The following CEP170B variants were observed in gnomAD, a reference collection of about 807,000 sequenced individuals.
CEP170B encodes centrosomal protein 170B, also known as centrosomal protein of 170 kDa protein B.
Under a neutral mutation model 120.6 loss-of-function variants are expected in CEP170B, and 55 were observed. The observed-to-expected ratio is 0.46, with a 90% CI of 0.37 to 0.57. The LOEUF (loss-of-function observed/expected upper bound fraction) is 0.57. CEP170B is among the 20% of genes least tolerant of loss of function. The pLI, the probability that CEP170B is intolerant of heterozygous loss-of-function variation, is 0.00. For missense variants in CEP170B, 2,212 were observed against 2,253.3 expected, an observed-to-expected ratio of 0.98 and a Z score of 0.37; for synonymous variants, 1,033 against 954.5, an observed-to-expected ratio of 1.08 and a Z score of -1.52.
intron 2 of CEP170B, among the ~76,000 whole-genome samples, chr14:104,872,479 G>C (rs1395747026): frequency 1.0e-5 from 1 of 95,966 alleles, no homozygotes; most frequent in Admixed American, 1.0e-4. Context: ...CCGTGTGTGT[G>C]CGTGTGTGCC....
In CEP170B at chr14:104,896,461, C is replaced by T. The variant is rs1232386751; in HGVS notation, c.*1503C>T. On this transcript the variant is annotated 3_prime_UTR_variant, in exon 19 of 19. Transcript: ENST00000414716. ...ATGCCCCAGTTGCCCACCCCGCCTGCCCCTGGACATGAAGTGGTCACGCTT... is the reference window on the plus strand; with the variant it reads ...ATGCCCCAGTTGCCCACCCCGCCTGTCCCTGGACATGAAGTGGTCACGCTT... 1 of 413,900 alleles carries T rather than the reference C, an allele frequency of 2.4e-6. No individual in the cohort carries two copies. The highest frequency in any genetic ancestry group is 2.1e-5 in the African/African-American group (1 of 48,374). The allele number at this position is 413,900 out of a possible 1,614,324, so 25.6% of individuals were successfully genotyped here. A position where few individuals can be genotyped will look rare whatever the true frequency, so the allele number is the denominator to read the frequency against.
At position 104,891,978 on chromosome 14, in the gene CEP170B, T is replaced by C. The variant is rs1866824; in HGVS notation, c.3879-998T>C. ...GCAGAGGGTGCTGGGGGTGTTTCTC[T>C]GGTCGTGCCAGTGTCTGGCGAGGGT... On this transcript the variant is annotated intron_variant, in intron 13 of 18. Transcript: ENST00000414716. This position sits in a 1 kb window ranked among gnomAD's most constrained non-coding sequence, Gnocchi z 4.3. 0.62 allele frequency among the ~76,000 whole-genome samples: 94,792 copies of C among 151,984 alleles called. 32,368 individuals carry two copies. Among genetic ancestry groups the C allele is most frequent in the Middle Eastern group, 0.85 (249 of 294 alleles).
At chr14:104,894,409 T>A (rs2841244) in intron 17 of CEP170B, 31 bp downstream of exon 17, 2 of 1,607,958 alleles carry the variant, frequency 1.2e-6, no homozygotes, top group South Asian at 1.1e-5. Context: ...CCCCTTGGCC[T>A]GCCCCCAGCC....
At position 104,883,152 on chromosome 14, in the gene CEP170B, A is replaced by T; in HGVS notation, c.695A>T (p.Glu232Val). 6.2e-7 allele frequency: 1 copy of T among 1,607,900 alleles called. No homozygotes were observed. The highest frequency in any genetic ancestry group is 8.5e-7 in the Non-Finnish European group (1 of 1,178,606). ...EPSYFEIPTK[E>V]TPQPSQPPEV... is the part of the protein sequence containing the mutation. ...AGCTACTTCGAGATCCCCACGAAGGAGACCCCGCAGCCGTCGCAGCCCCCC... is the reference window on the plus strand; with the variant it reads ...AGCTACTTCGAGATCCCCACGAAGGTGACCCCGCAGCCGTCGCAGCCCCCC... Residue 232 changes from glutamate (E) to valine (V), a missense_variant, in exon 8 of 19, where the codon GAG becomes GTG. By Grantham distance (121) the Glu-to-Val change is moderately radical. This residue lies in a region of CEP170B where 2,166 missense variants were observed against 2,166.7 expected (regional missense o/e 1.00). Transcript: ENST00000414716.
chr14:104,887,088 T>C lies in CEP170B; in HGVS notation c.2849T>C (p.Leu950Pro), dbSNP rs757413391. 1.2e-5 allele frequency: 19 copies of C among 1,611,392 alleles called. No homozygotes were observed. The highest frequency in any genetic ancestry group is 1.5e-5 in the Non-Finnish European group (18 of 1,179,660). Residue 950 changes from leucine to proline, a missense_variant, in exon 12 of 19, where the codon CTG becomes CCG. Physicochemically the swap from Leu to Pro is moderately conservative, Grantham distance 98. Coordinates refer to ENST00000414716, the MANE Select transcript of CEP170B (RefSeq NM_001112726.3). ...GSTPRPPEDA[L>P]SGDSDVDTAS... The stretch of plus-strand genomic sequence containing the variant: ...ACCCCGAGGCCGCCGGAGGACGCCC[T>C]GTCTGGGGACTCGGACGTGGACACA...
At position 104,893,009 on chromosome 14, in the gene CEP170B, C is replaced by T. The variant is rs770572188; in HGVS notation, c.3912C>T (p.Ile1304=). 6.3e-7 allele frequency: 1 copy of T among 1,579,856 alleles called. No individual in the cohort carries two copies. Among genetic ancestry groups the T allele is most frequent in the Admixed American group, 1.8e-5 (1 of 54,974 alleles). The change falls in exon 14 of 19, where the codon ATC becomes ATT. Residue 1304 remains isoleucine (I), a synonymous_variant. Transcript: ENST00000414716. Reference sequence around the variant, plus strand: ...AGACGCTGGTGAAGGACGTGGCCATCCTAGCCCAGGAGATCCACGATGTGG... The same window carrying T: ...AGACGCTGGTGAAGGACGTGGCCATTCTAGCCCAGGAGATCCACGATGTGG... ...LSQTLVKDVA[I]LAQEIHDVAG...
Position 104,884,023 on chromosome 14 carries a change from G to A in CEP170B, c.1244G>A (p.Arg415Gln), listed in dbSNP as rs773293486. ...GAGTTCTTCGACGAGGACACACCCCGAAAGAAGCGCTCCCAGTCCTTCACG... is the reference window on the plus strand; with the variant it reads ...GAGTTCTTCGACGAGGACACACCCCAAAAGAAGCGCTCCCAGTCCTTCACG... Reference protein sequence around the residue: ...VIEFFDEDTPRKKRSQSFTHS... With the variant: ...VIEFFDEDTPQKKRSQSFTHS... The change falls in exon 9 of 19, where the codon CGA (arginine) becomes CAA (glutamine). Residue 415 changes from arginine (R) to glutamine (Q), a missense_variant. By Grantham distance (43) the Arg-to-Gln change is conservative. Around this residue, in one of 2 missense-constraint regions of CEP170B, gnomAD observed 2,166 missense variants for 2,166.7 expected, o/e 1.00. Transcript: ENST00000414716. The A allele has an allele frequency of 4.5e-5, 72 of 1,610,644 alleles. No individual in the cohort carries two copies. Among genetic ancestry groups the A allele is most frequent in the Non-Finnish European group, 5.4e-5 (64 of 1,178,876 alleles).
At position 104,883,498 on chromosome 14, in the gene CEP170B, C is replaced by T. The variant is rs1896274346; in HGVS notation, c.1041C>T (p.Arg347=). The T allele has an allele frequency of 1.3e-6, 2 of 1,544,476 alleles. No homozygotes were observed. The highest frequency in any genetic ancestry group is 1.7e-4 in the Middle Eastern group (1 of 5,756). The change falls in exon 8 of 19, where the codon CGC becomes CGT. Residue 347 remains arginine (R), a synonymous_variant. Coordinates refer to ENST00000414716, the MANE Select transcript of CEP170B (RefSeq NM_001112726.3). ...STKSDLPVHT[R]TLKGHKHEDG... ...AGAGCGACCTGCCTGTCCACACCCG[C>T]ACCCTGAAGGGTGAGTGCCCAGCTG... is the stretch of plus-strand genomic sequence containing the variant.
Position 104,883,243 on chromosome 14 carries a change from G to C in CEP170B, c.786G>C (p.Val262=). 6.2e-7 allele frequency: 1 copy of C among 1,611,324 alleles called. No homozygotes were observed. Among genetic ancestry groups the C allele is most frequent in the Non-Finnish European group, 8.5e-7 (1 of 1,179,554 alleles). Residue 262 remains valine, a synonymous_variant, in exon 8 of 19, where the codon GTG becomes GTC. Transcript: ENST00000414716. ...AEAGGGGAAP[V]VQSHASFTIE... ...CAGGTGGGGGCGGAGCGGCCCCTGT[G>C]GTGCAGAGCCACGCCTCCTTCACCA... is the stretch of plus-strand genomic sequence containing the variant.
rs1473522711 is a variant in CEP170B, at chr14:104,893,142, C to T, written c.4038+7C>T. On this transcript the variant is annotated splice_region_variant and intron_variant, in intron 14 of 18. Transcript: ENST00000414716. ...CATCTCTGCCCGGGAGGAGGTGAGCCCCAGGCTTTCTGAGGCCCCTGTGCC... is the reference window on the plus strand; with the variant it reads ...CATCTCTGCCCGGGAGGAGGTGAGCTCCAGGCTTTCTGAGGCCCCTGTGCC... The T allele has an allele frequency of 5.0e-6, 8 of 1,605,066 alleles. No homozygotes were observed. The highest frequency in any genetic ancestry group is 5.9e-6 in the Non-Finnish European group (7 of 1,176,858).
chr14:104,875,025 C>G (rs529734290), intron 2 of CEP170B, among the ~76,000 whole-genome samples: 2 of 152,350 alleles, frequency 1.3e-5, no homozygotes, highest in South Asian at 2.1e-4. Context: ...GGTTTCTAGC[C>G]CTTGCCCAGG....
In CEP170B at chr14:104,870,215, A is replaced by G. The variant is rs963087710; in HGVS notation, c.105+1660A>G. 6.6e-6 allele frequency among the ~76,000 whole-genome samples: 1 copy of G among 152,192 alleles called. No homozygotes were observed. The highest frequency in any genetic ancestry group is 1.5e-5 in the Non-Finnish European group (1 of 68,038). ...GCCAGGGAGCGAGCGTGGGCGACCG[A>G]GGTGGGCGCGGCAGCACCTGCACTT... On this transcript the variant is annotated intron_variant, in intron 2 of 18. Transcript: ENST00000414716. This position sits in a 1 kb window ranked among gnomAD's most constrained non-coding sequence, Gnocchi z 4.1.
In CEP170B at chr14:104,882,808, C is replaced by G; in HGVS notation, c.553C>G (p.Gln185Glu). The G allele has an allele frequency of 6.2e-7, 1 of 1,612,202 alleles. No homozygotes were observed. Among genetic ancestry groups the G allele is most frequent in the Non-Finnish European group, 8.5e-7 (1 of 1,179,648 alleles). The change falls in exon 7 of 19, where the codon CAG becomes GAG. Residue 185 changes from glutamine to glutamate, a missense_variant. By Grantham distance (29) the Gln-to-Glu change is conservative (BLOSUM62 2). Transcript: ENST00000414716. The stretch of plus-strand genomic sequence containing the variant: ...CGATGGTAGCACGCTGCCTGACGCC[C>G]AGCGCCAGGGAGAGCCCTACCCAGG... ...EDDGSTLPDA[Q>E]RQGEPYPERP... is the part of the protein sequence containing the mutation.
intron 13 of CEP170B, among the ~76,000 whole-genome samples, 195 bp downstream of exon 13, chr14:104,889,953 A>ATGG (rs1566872516): frequency 3.5e-3 from 56 of 16,106 alleles, no homozygotes; most frequent in African/African-American, 8.8e-3. Context: ...TGGATGGATG[A>ATGG]ATGGATGGAT....
rs940583775 is a variant in CEP170B, at chr14:104,868,184, C to T, written c.-27-240C>T. Among the ~76,000 whole-genome samples, 1 of 152,152 alleles carries T rather than the reference C, an allele frequency of 6.6e-6. No individual in the cohort carries two copies. The highest frequency in any genetic ancestry group is 2.4e-5 in the African/African-American group (1 of 41,428). On this transcript the variant is annotated intron_variant, in intron 1 of 18. Coordinates refer to ENST00000414716, the MANE Select transcript of CEP170B (RefSeq NM_001112726.3). The surrounding 1 kb of genome is among the most constrained non-coding windows in gnomAD (Gnocchi z 5.9). ...TGGGGCCTGGAGGATAAGGGAGAAC[C>T]AGGCAGCCTTTGCCAGGGATGGACG...
chr14:104,889,835 C>T, intron 13 of CEP170B, 77 bp downstream of exon 13: 1 of 1,488,720 alleles, frequency 6.7e-7, no homozygotes, highest in South Asian at 1.3e-5. Flanking sequence ...GGGCAGGGAC[C>T]AGGCTGGGAG....
intron 18 of CEP170B, 24 bp from the exon 19 acceptor site, chr14:104,894,687 C>A: frequency 1.3e-6 from 2 of 1,569,616 alleles, no homozygotes; most frequent in South Asian, 1.2e-5. Flanking sequence ...GATCCGCAGC[C>A]TGACCCTCCC....
rs377209021 is a variant in CEP170B at position 104,894,891 on chromosome 14, C to G, written c.4598C>G (p.Ala1533Gly). 1.5e-5 allele frequency: 24 copies of G among 1,602,410 alleles called. No individual in the cohort carries two copies. In the African/African-American group the frequency reaches 1.7e-4, roughly 12 times the overall value. ...ALPLRNFPQR[A>G]SCGPPSLPDP... is the part of the protein sequence containing the mutation. ...CCCCTGAGGAATTTCCCACAGCGGG[C>G]CAGCTGTGGGCCTCCCAGCCTCCCG... is the stretch of plus-strand genomic sequence containing the variant. The change falls in exon 19 of 19, where the codon GCC becomes GGC. Residue 1533 changes from alanine (A) to glycine (G), a missense_variant. Ala to Gly is a moderately conservative substitution (Grantham distance 60). This residue lies in a region of CEP170B where 2,166 missense variants were observed against 2,166.7 expected (regional missense o/e 1.00). Transcript: ENST00000414716.
chr14:104,864,989 A>G (rs1490876944), upstream of CEP170B, among the ~76,000 whole-genome samples: 1 of 139,642 alleles, frequency 7.2e-6, no homozygotes, highest in Non-Finnish European at 1.6e-5. This position sits in a 1 kb window ranked among gnomAD's most constrained non-coding sequence, Gnocchi z 5.9. Context: ...ACGGGAGGGC[A>G]TGGGGTCTGC....
Sources: gnomAD v4.1 joint callset for allele counts (sites outside exome capture counted in the v4.1 genomes callset) on GRCh38, gnomAD v4.1.1 for gene constraint, gnomAD v4.1.1 regional missense constraint, Gnocchi (gnomAD v3.1) non-coding constraint, MANE v1.5 for transcripts, NCBI Gene and HGNC (gene_info 2026-07-23, HGNC 2026-07-21) for gene names.